Variants in PCDH15 observed in about 807,000 individuals in gnomAD.
PCDH15 encodes protocadherin related 15, also known as protocadherin-15.
PCDH15 carries 129 observed loss-of-function variants against 178.5 expected under a neutral mutation model. That is an observed-to-expected ratio of 0.72 (90% CI 0.63 to 0.84). PCDH15 has a LOEUF of 0.84. Among genes scored for constraint, PCDH15 ranks in the 40% least tolerant of loss-of-function variants. The pLI is 0.00. For missense variants in PCDH15, 2,230 were observed against 2,099.9 expected (o/e 1.06, Z -1.21); for synonymous variants, 800 against 732.0 (o/e 1.09, Z -1.50).
At chr10:55,240,839 CA>C (rs1423439688) in intron 1 of PCDH15, among the ~76,000 whole-genome samples, 2 of 152,140 alleles carry the variant, frequency 1.3e-5, no homozygotes, top group African/African-American at 4.8e-5. Context: ...TCAAAAGTGA[CA>C]CATTCAAAAT....
intron 3 of PCDH15, among the ~76,000 whole-genome samples, chr10:54,811,936 A>G (rs1303223739): frequency 6.6e-6 from 1 of 152,156 alleles, no homozygotes; most frequent in African/African-American, 2.4e-5. Flanking sequence ...ATTTTTTAAA[A>G]CTTCATCTTA....
intron 3 of PCDH15, among the ~76,000 whole-genome samples, chr10:54,383,390 T>C (rs979489620): frequency 1.3e-5 from 2 of 152,096 alleles, no homozygotes; most frequent in African/African-American, 4.8e-5. Flanking sequence ...GCAAAAAAAG[T>C]CATACTACTA....
chr10:55,291,812 T>C (rs1268166653), intron 1 of PCDH15, among the ~76,000 whole-genome samples: 1 of 152,162 alleles, frequency 6.6e-6, no homozygotes, highest in Non-Finnish European at 1.5e-5. Flanking sequence ...CTCATGATCA[T>C]GGCAGAAGGC....
At chr10:55,148,876 C>A (rs1838606040) in intron 2 of PCDH15, among the ~76,000 whole-genome samples, 1 of 149,022 alleles carries the variant, frequency 6.7e-6, no homozygotes, top group Non-Finnish European at 1.5e-5. Flanking sequence ...AATGGGTTTT[C>A]AGCAAGATTT....
At chr10:55,148,416 C>T (rs1359353959) in intron 2 of PCDH15, among the ~76,000 whole-genome samples, 1 of 151,868 alleles carries the variant, frequency 6.6e-6, no homozygotes, top group East Asian at 1.9e-4. Context: ...ATTTTTCTGA[C>T]GTTGTGGACT....
intron 8 of PCDH15, among the ~76,000 whole-genome samples, chr10:54,239,414 A>AATATTAT (rs941873642): frequency 7.2e-6 from 1 of 138,164 alleles, no homozygotes; most frequent in Non-Finnish European, 1.5e-5. Flanking sequence ...CCTGTGATTA[A>AATATTAT]ATATATATAT....
At chr10:55,580,942 T>C (rs937785786) in intron 2 of PCDH15, among the ~76,000 whole-genome samples, 6 of 152,130 alleles carry the variant, frequency 3.9e-5, no homozygotes, top group African/African-American at 1.2e-4. Context: ...AAAGAGGAAA[T>C]AGTTCTCCCC....
intron 1 of PCDH15, among the ~76,000 whole-genome samples, chr10:55,272,280 A>G (rs562011060): frequency 4.4e-4 from 67 of 151,992 alleles, no homozygotes; most frequent in South Asian, 2.1e-3. Flanking sequence ...AGTTGAAATG[A>G]CATATTAAAT....
At chr10:55,147,935 T>C (rs1249399075) in intron 2 of PCDH15, among the ~76,000 whole-genome samples, 1 of 151,854 alleles carries the variant, frequency 6.6e-6, no homozygotes, top group Non-Finnish European at 1.5e-5. Context: ...GCTTCTCCCT[T>C]GGTAACTCAG....
At chr10:54,977,677 T>C (rs973369936) in intron 2 of PCDH15, among the ~76,000 whole-genome samples, 6 of 152,212 alleles carry the variant, frequency 3.9e-5, no homozygotes, top group Non-Finnish European at 7.3e-5. Flanking sequence ...ATCCTTCATT[T>C]TTTTTATTTT....
intron 2 of PCDH15, among the ~76,000 whole-genome samples, chr10:54,615,147 C>T (rs576008335): frequency 1.1e-4 from 17 of 151,894 alleles, no homozygotes; most frequent in Non-Finnish European, 1.8e-4. Context: ...ATACCTCAGG[C>T]GAGATAATAC....
intron 3 of PCDH15, among the ~76,000 whole-genome samples, chr10:54,843,607 T>C (rs1298468968): frequency 2.6e-5 from 4 of 152,008 alleles, no homozygotes; most frequent in East Asian, 1.9e-4. Context: ...ACACACATCA[T>C]ACATTTGCTC....
intron 18 of PCDH15, among the ~76,000 whole-genome samples, chr10:54,061,940 T>C (rs1194347325): frequency 6.6e-6 from 1 of 152,062 alleles, no homozygotes; most frequent in Non-Finnish European, 1.5e-5. Flanking sequence ...AAAAACTAAA[T>C]GAGGCCGGGT....
At chr10:54,512,839 G>A (rs145898496) in intron 3 of PCDH15, among the ~76,000 whole-genome samples, 6 of 151,992 alleles carry the variant, frequency 3.9e-5, no homozygotes, top group South Asian at 2.1e-4. Context: ...CATGATGCAC[G>A]TGTCTACTTT....
At chr10:54,991,397 G>A (rs1250759417) in intron 2 of PCDH15, among the ~76,000 whole-genome samples, 1 of 152,072 alleles carries the variant, frequency 6.6e-6, no homozygotes, top group East Asian at 1.9e-4. Flanking sequence ...ATTGAAAAAA[G>A]AGAAAAGCTG....
In PCDH15 at chr10:55,338,507, G is replaced by T. The variant is rs545686652; in HGVS notation, c.-155-171856C>A. On this transcript the variant is annotated intron_variant, in intron 2 of 5. Coordinates refer to the PCDH15 transcript ENST00000613346. Reference sequence around the variant, plus strand: ...ATCCTGGCTGGGGACAGTGGCTCACGCCTGTATCCCAGCACTCGGGGAGAC... The same window carrying T: ...ATCCTGGCTGGGGACAGTGGCTCACTCCTGTATCCCAGCACTCGGGGAGAC... 6.6e-5 allele frequency among the ~76,000 whole-genome samples: 10 copies of T among 152,228 alleles called. No homozygotes were observed. In the East Asian group the frequency reaches 1.9e-3, roughly 29 times the overall value.
chr10:55,380,501 G>C (rs1170111299), intron 2 of PCDH15, among the ~76,000 whole-genome samples: 1 of 152,120 alleles, frequency 6.6e-6, no homozygotes, highest in East Asian at 1.9e-4. Context: ...AGTGCAAAAA[G>C]CAAATTTGTT....
intron 3 of PCDH15, among the ~76,000 whole-genome samples, chr10:54,463,005 T>C (rs190561232): frequency 1.8e-4 from 28 of 152,242 alleles, no homozygotes; most frequent in Admixed American, 9.2e-4. Context: ...AGCTTAACAG[T>C]AGAGTCCACA....
At chr10:54,579,068 C>T (rs528393563) in intron 2 of PCDH15, among the ~76,000 whole-genome samples, 26 of 152,004 alleles carry the variant, frequency 1.7e-4, no homozygotes, top group South Asian at 4.2e-4. Context: ...TCTGCAGACC[C>T]TATAAAGCAA....
Sources: gnomAD v4.1 joint callset for allele counts (sites outside exome capture counted in the v4.1 genomes callset) on GRCh38, gnomAD v4.1.1 for gene constraint, MANE v1.5 for transcripts, NCBI Gene and HGNC (gene_info 2026-07-23, HGNC 2026-07-21) for gene names.